Variants in FGF12 observed in about 807,000 individuals in gnomAD.
The protein encoded by FGF12 is fibroblast growth factor 12, also known as fibroblast growth factor 12B.
Under a neutral mutation model 23.6 loss-of-function variants are expected in FGF12, and 14 were observed. That is an observed-to-expected ratio of 0.59 (90% CI 0.39 to 0.93). The LOEUF (loss-of-function observed/expected upper bound fraction) is 0.93. Ranked by LOEUF, FGF12 falls within the 40% of genes least tolerant of loss-of-function variation. FGF12 has a pLI of 0.00. For synonymous variants in FGF12, 62 were observed against 77.3 expected, an observed-to-expected ratio of 0.80 and a Z score of 1.04; for missense variants, 175 against 217.8, an observed-to-expected ratio of 0.80 and a Z score of 1.24.
chr3:192,320,791 A>G (rs921484743), intron 4 of FGF12, among the ~76,000 whole-genome samples: 1 of 152,156 alleles, frequency 6.6e-6, no homozygotes, highest in Non-Finnish European at 1.5e-5. Context: ...AATATACCCA[A>G]ATCTATAGGA....
At chr3:192,147,457 AAT>A (rs1166978507) in intron 5 of FGF12, among the ~76,000 whole-genome samples, 1 of 152,208 alleles carries the variant, frequency 6.6e-6, no homozygotes, top group Non-Finnish European at 1.5e-5. Context: ...CATGGTAAAT[AAT>A]GAAACAAAAT....
At chr3:192,269,688 G>C (rs1328485207) in intron 4 of FGF12, among the ~76,000 whole-genome samples, 6 of 152,168 alleles carry the variant, frequency 3.9e-5, no homozygotes, top group Admixed American at 3.9e-4. Context: ...CAGTTGCAGA[G>C]TCTACCCAAT....
chr3:192,517,979 A>C (rs1409211231), intron 2 of FGF12, among the ~76,000 whole-genome samples: 2 of 152,138 alleles, frequency 1.3e-5, no homozygotes, highest in East Asian at 3.9e-4. Context: ...CAAAACAAAA[A>C]AAATAGCCAG....
At chr3:192,390,349 A>G (rs1720238708) in intron 2 of FGF12, among the ~76,000 whole-genome samples, 1 of 152,246 alleles carries the variant, frequency 6.6e-6, no homozygotes, top group Non-Finnish European at 1.5e-5. Context: ...AGATTGAAAG[A>G]GATAAGATCT....
intron 2 of FGF12, among the ~76,000 whole-genome samples, chr3:192,513,639 G>A (rs1233454902): frequency 6.6e-6 from 1 of 152,142 alleles, no homozygotes; most frequent in Non-Finnish European, 1.5e-5. Flanking sequence ...ATAACATATG[G>A]AGTTTTAAAC....
At chr3:192,574,312 T>C (rs529184355) in intron 2 of FGF12, among the ~76,000 whole-genome samples, 96 of 152,354 alleles carry the variant, frequency 6.3e-4, no homozygotes, top group African/African-American at 2.3e-3. Context: ...GCCTGCTATA[T>C]AATGAAGCCT....
At chr3:192,243,963 C>A (rs1236972839) in intron 4 of FGF12, among the ~76,000 whole-genome samples, 1 of 152,034 alleles carries the variant, frequency 6.6e-6, no homozygotes, top group Non-Finnish European at 1.5e-5. Flanking sequence ...ATTGGCTATT[C>A]TCCTACAATA....
chr3:192,397,163 G>C (rs1720559285), intron 2 of FGF12, among the ~76,000 whole-genome samples: 1 of 152,190 alleles, frequency 6.6e-6, no homozygotes. Flanking sequence ...TGTAGGTGGA[G>C]AGGGAGGAGT....
chr3:192,676,071 G>T (rs1437257489), intron 2 of FGF12, among the ~76,000 whole-genome samples: 1 of 152,148 alleles, frequency 6.6e-6, no homozygotes, highest in Non-Finnish European at 1.5e-5. Flanking sequence ...CCTCTACTGG[G>T]AACCCATCAC....
Position 192,675,131 on chromosome 3 carries a change from G to C in FGF12, c.13+52050C>G, listed in dbSNP as rs146836974. 3.9e-4 allele frequency among the ~76,000 whole-genome samples: 59 copies of C among 152,270 alleles called. 1 individual carries two copies. In the East Asian group the frequency reaches 0.011, roughly 28 times the overall value. ...CTTAGGGATAGAGTAAGTGGTAGGA[G>C]CAAATCAGTTGAGTGACTAAAGCCT... On this transcript the variant is annotated intron_variant, in intron 2 of 5. Coordinates refer to ENST00000445105, the MANE Select transcript of FGF12 (RefSeq NM_004113.6).
At chr3:192,365,544 C>G (rs1384141227) in intron 2 of FGF12, among the ~76,000 whole-genome samples, 1 of 151,886 alleles carries the variant, frequency 6.6e-6, no homozygotes, top group Non-Finnish European at 1.5e-5. Context: ...TATGAGAACT[C>G]TGTACTATCT....
chr3:192,158,995 T>C (rs1214966586), intron 5 of FGF12, among the ~76,000 whole-genome samples: 1 of 152,020 alleles, frequency 6.6e-6, no homozygotes, highest in Non-Finnish European at 1.5e-5. Flanking sequence ...TGTCTGCTTA[T>C]CCCAGATTGT....
chr3:192,173,544 A>G (rs1715690598), intron 4 of FGF12, among the ~76,000 whole-genome samples: 1 of 152,098 alleles, frequency 6.6e-6, no homozygotes, highest in Non-Finnish European at 1.5e-5. Flanking sequence ...GGACTAATAA[A>G]GTATTTTTAA....
chr3:192,315,982 G>T (rs879612172), intron 4 of FGF12, among the ~76,000 whole-genome samples: 33 of 152,202 alleles, frequency 2.2e-4, no homozygotes, highest in Admixed American at 6.5e-5. Context: ...GCAATTATTG[G>T]CTCAGGTAAC....
chr3:192,531,606 A>G (rs990157967), intron 2 of FGF12, among the ~76,000 whole-genome samples: 2 of 152,178 alleles, frequency 1.3e-5, no homozygotes, highest in African/African-American at 4.8e-5. Flanking sequence ...CCCTATTTTT[A>G]AAACGTATAA....
At chr3:192,213,525 A>G (rs1718041014) in intron 4 of FGF12, among the ~76,000 whole-genome samples, 1 of 152,186 alleles carries the variant, frequency 6.6e-6, no homozygotes. Context: ...TTTTTCCACT[A>G]TAGTGATGAT....
chr3:192,168,258 A>T (rs1357914951), intron 5 of FGF12, among the ~76,000 whole-genome samples: 1 of 152,226 alleles, frequency 6.6e-6, no homozygotes. Flanking sequence ...TGATGCAATA[A>T]TTAAGAGCAT....
intron 4 of FGF12, among the ~76,000 whole-genome samples, chr3:192,319,532 G>T (rs1442545775): frequency 6.6e-6 from 1 of 152,104 alleles, no homozygotes; most frequent in Non-Finnish European, 1.5e-5. Flanking sequence ...GGGAGGCGGA[G>T]GTTGCAGTGA....
chr3:192,508,122 C>T (rs1724367204), intron 2 of FGF12, among the ~76,000 whole-genome samples: 1 of 152,132 alleles, frequency 6.6e-6, no homozygotes, highest in African/African-American at 2.4e-5. Flanking sequence ...GAAGTAACAA[C>T]GTGGGCAATC....
Sources: gnomAD v4.1 joint callset for allele counts (sites outside exome capture counted in the v4.1 genomes callset) on GRCh38, gnomAD v4.1.1 for gene constraint, MANE v1.5 for transcripts, NCBI Gene and HGNC (gene_info 2026-07-23, HGNC 2026-07-21) for gene names.